The following ENG variants were observed in gnomAD, a reference collection of about 807,000 sequenced individuals.
ENG encodes endoglin.
A neutral mutation model predicts 71.0 loss-of-function variants in ENG; 17 were observed. The observed-to-expected ratio is 0.24, with a 90% CI of 0.16 to 0.36. The LOEUF is 0.36. Among genes scored for constraint, ENG ranks in the 10% least tolerant of loss-of-function variants. The pLI, the probability that ENG is intolerant of heterozygous loss-of-function variation, is 1.00. For missense variants in ENG, 749 were observed against 868.3 expected, an observed-to-expected ratio of 0.86 and a Z score of 1.73; for synonymous variants, 360 against 366.9, an observed-to-expected ratio of 0.98 and a Z score of 0.21.
At chr9:127,824,221 G>A (rs1216586959) in intron 8 of ENG, 83 bp downstream of exon 8, 5 of 1,606,934 alleles carry the variant, frequency 3.1e-6, no homozygotes, top group Non-Finnish European at 4.3e-6. Flanking sequence ...CCCCTGCCTG[G>A]GCTAGGACCC....
chr9:127,824,511 GC>G (rs1437317553), intron 7 of ENG, 65 bp from the exon 8 acceptor site: 71 of 1,032,258 alleles, frequency 6.9e-5, no homozygotes, highest in South Asian at 2.4e-4. Flanking sequence ...CCCGCACCAG[GC>G]TTTTTTTTTT....
chr9:127,827,726 G>A (rs1228177656), intron 3 of ENG, among the ~76,000 whole-genome samples: 1 of 152,042 alleles, frequency 6.6e-6, no homozygotes, highest in Non-Finnish European at 1.5e-5. Flanking sequence ...GGCCTCAAGA[G>A]ACCCTCCTGG....
At position 127,817,803 on chromosome 9, in the gene ENG, T is replaced by C. The variant is rs41316968; in HGVS notation, c.1686+317A>G. ...TACACTGGTGACCATACTACATGGATGTGCGGGTGGTTAGATTCCTGGGTG... is the reference window on the plus strand; with the variant it reads ...TACACTGGTGACCATACTACATGGACGTGCGGGTGGTTAGATTCCTGGGTG... On this transcript the variant is annotated intron_variant, in intron 12 of 14. Transcript: ENST00000373203. 0.011 allele frequency: 5,378 copies of C among 499,380 alleles called. 31 individuals carry two copies. Among genetic ancestry groups the C allele is most frequent in the Non-Finnish European group, 0.015 (4,123 of 271,676 alleles). 30.9% of individuals were successfully genotyped at this position (499,380 alleles called of 1,614,324 possible).
At chr9:127,819,139 A>G (rs1373424343) in intron 10 of ENG, 4 of 369,982 alleles carry the variant, frequency 1.1e-5, no homozygotes, top group African/African-American at 2.1e-5. Context: ...GGGTTTCACC[A>G]TGTTAGCCAG....
intron 8 of ENG, 116 bp downstream of exon 8, chr9:127,824,188 C>T (rs1425194325): frequency 2.0e-6 from 3 of 1,465,654 alleles, no homozygotes; most frequent in East Asian, 2.3e-5. Context: ...AAAACTAAGG[C>T]TTGCAGAGGG....
intron 5 of ENG, 103 bp downstream of exon 5, chr9:127,825,586 GCTGGGA>G: frequency 7.8e-7 from 1 of 1,275,566 alleles, no homozygotes; most frequent in Non-Finnish European, 1.1e-6. Context: ...CGGGGCTGGG[GCTGGGA>G]CTGGGGTGGG....
In ENG at chr9:127,822,037, A is replaced by G. The variant is rs371282597; in HGVS notation, c.1135-2000T>C. Among the ~76,000 whole-genome samples the G allele has an allele frequency of 9.2e-5, 14 of 152,202 alleles. No individual in the cohort carries two copies. The East Asian group carries it at 2.7e-3, about 29-fold the overall frequency. Reference sequence around the variant, plus strand: ...TGAACTCCAGCCTGGGTGACAGAGCAAGACTGTCTCAAAGAAAAAAAAAGA... The same window carrying G: ...TGAACTCCAGCCTGGGTGACAGAGCGAGACTGTCTCAAAGAAAAAAAAAGA... On this transcript the variant is annotated intron_variant, in intron 8 of 14. Coordinates refer to ENST00000373203, the MANE Select transcript of ENG (RefSeq NM_001114753.3).
At chr9:127,839,692 A>G (rs1325661394) in intron 2 of ENG, among the ~76,000 whole-genome samples, 4 of 152,102 alleles carry the variant, frequency 2.6e-5, no homozygotes, top group African/African-American at 7.2e-5. Flanking sequence ...AATAGCTGGG[A>G]TTACAGGCAC....
In ENG at chr9:127,818,132, C is replaced by A; in HGVS notation, c.1674G>T (p.Gly558=). The change falls in exon 12 of 15, where the codon GGG becomes GGT. Residue 558 remains glycine, a synonymous_variant. Coordinates refer to ENST00000373203, the MANE Select transcript of ENG (RefSeq NM_001114753.3). ...AGGCCCCACTCACCTGGTCTTGAGA[C>A]CCGGTCTTGGGACGCAGGGCTACCG... ...SCTVALRPKT[G]SQDQEVHRTV... 1 of 1,614,186 alleles carries A rather than the reference C, an allele frequency of 6.2e-7. No individual in the cohort carries two copies. Among genetic ancestry groups the A allele is most frequent in the Non-Finnish European group, 8.5e-7 (1 of 1,180,042 alleles).
intron 2 of ENG, among the ~76,000 whole-genome samples, chr9:127,835,229 A>C (rs1776718858): frequency 6.6e-6 from 1 of 151,254 alleles, no homozygotes. Flanking sequence ...GAACTCCTAG[A>C]CTCAAACAAT....
At position 127,824,252 on chromosome 9, in the gene ENG, AG is replaced by A. The variant is rs1270439996; in HGVS notation, c.1134+51del. On this transcript the variant is annotated intron_variant, in intron 8 of 14. Coordinates refer to ENST00000373203, the MANE Select transcript of ENG (RefSeq NM_001114753.3). ...GACCCCAAGAGTCTTGGGCTAGGGG[AG>A]GAACCAGATGTCCATGTCATCCTGA... 4 of 1,613,398 alleles carry A rather than the reference AG, an allele frequency of 2.5e-6. No individual in the cohort carries two copies. In the Admixed American group the frequency reaches 5.0e-5, roughly 20 times the overall value.
At position 127,825,293 on chromosome 9, in the gene ENG, T is replaced by A. The variant is rs377377549; in HGVS notation, c.754A>T (p.Ile252Phe). 2 of 1,606,278 alleles carry A rather than the reference T, an allele frequency of 1.2e-6. No individual in the cohort carries two copies. Among genetic ancestry groups the A allele is most frequent in the Non-Finnish European group, 1.7e-6 (2 of 1,177,828 alleles). ...CAPGDLDAVL[I>F]LQGPPYVSWL... ...GACACGTAGGGGGGACCCTGCAGGATGAGGACGGCATCGAGATCCCCGGGT... is the reference window on the plus strand; with the variant it reads ...GACACGTAGGGGGGACCCTGCAGGAAGAGGACGGCATCGAGATCCCCGGGT... Residue 252 changes from isoleucine to phenylalanine, a missense_variant, in exon 6 of 15, where the codon ATC becomes TTC. Coordinates refer to ENST00000373203, the MANE Select transcript of ENG (RefSeq NM_001114753.3).
rs1785458857 is a variant in ENG at position 127,836,584 on chromosome 9, G to A, written c.219+6510C>T. Among the ~76,000 whole-genome samples the A allele has an allele frequency of 2.6e-5, 4 of 152,234 alleles. 1 individual carries two copies. Among genetic ancestry groups the A allele is most frequent in the South Asian group, 4.1e-4 (2 of 4,834 alleles). On this transcript the variant is annotated intron_variant, in intron 2 of 14. Transcript: ENST00000373203. The surrounding 1 kb of genome is among the most constrained non-coding windows in gnomAD (Gnocchi z 4.0). ...CTCAGATGGTCCTACAGGCAGGGTG[G>A]CAGGGGAAAGGATCAAAGCCAGACC... is the stretch of plus-strand genomic sequence containing the variant.
intron 12 of ENG, 168 bp from the exon 13 acceptor site, chr9:127,817,371 G>A: frequency 1.4e-6 from 1 of 726,412 alleles, no homozygotes; most frequent in East Asian, 2.7e-5. Context: ...TGTGCTGTGG[G>A]AGGGTGCCTA....
intron 3 of ENG, among the ~76,000 whole-genome samples, chr9:127,828,383 G>A (rs540109140): frequency 2.0e-5 from 3 of 152,320 alleles, no homozygotes; most frequent in African/African-American, 7.2e-5. Context: ...CACTGGGTCG[G>A]CCACCGAGGC....
At chr9:127,816,324 G>A in intron 13 of ENG, 1 of 545,154 alleles carries the variant, frequency 1.8e-6, no homozygotes. Context: ...GGCGTTTTCA[G>A]GGAGGATGGA....
intron 1 of ENG, among the ~76,000 whole-genome samples, chr9:127,851,141 C>G (rs1215414606): frequency 6.6e-6 from 1 of 152,086 alleles, no homozygotes; most frequent in Non-Finnish European, 1.5e-5. Flanking sequence ...TTTCCCTTTT[C>G]TCTATTTTTT....
intron 2 of ENG, among the ~76,000 whole-genome samples, chr9:127,830,793 C>T (rs1830747678): frequency 6.6e-6 from 1 of 152,150 alleles, no homozygotes; most frequent in Non-Finnish European, 1.5e-5. Context: ...GTCCCCACCA[C>T]CTTTCCTGCA....
rs1027345417 is a variant in ENG at position 127,854,558 on chromosome 9, G to T, written c.-203C>A. The T allele has an allele frequency of 1.7e-6, 1 of 583,288 alleles. No homozygotes were observed. The highest frequency in any genetic ancestry group is 3.0e-6 in the Non-Finnish European group (1 of 332,028). The allele number at this position is 583,288 out of a possible 1,614,324, so 36.1% of individuals were successfully genotyped here. A position where few individuals can be genotyped will look rare whatever the true frequency, so the allele number is the denominator to read the frequency against. ...CACAGGGACGCGGGGCTGGGCTGGA[G>T]TTGCTGTCCGAAGGATGGGCGGGGA... is the stretch of plus-strand genomic sequence containing the variant. On this transcript the variant is annotated 5_prime_UTR_variant, in exon 1 of 15. Transcript: ENST00000373203.
Sources: gnomAD v4.1 joint callset for allele counts (sites outside exome capture counted in the v4.1 genomes callset) on GRCh38, gnomAD v4.1.1 for gene constraint, Gnocchi (gnomAD v3.1) non-coding constraint, MANE v1.5 for transcripts, NCBI Gene and HGNC (gene_info 2026-07-23, HGNC 2026-07-21) for gene names.